Variants in CDK15 observed in about 807,000 individuals in gnomAD.
CDK15 encodes the protein cyclin dependent kinase 15.
CDK15 carries 62 observed loss-of-function variants against 60.3 expected under a neutral mutation model. The ratio of observed to expected loss-of-function variants is 1.03; its 90% CI spans 0.84 to 1.27. CDK15 has a LOEUF of 1.27. CDK15 is among the 50% of genes most tolerant of loss of function. The probability of loss-of-function intolerance (pLI) is 0.00; values close to 1 mark genes in which losing one functional copy is unlikely to be tolerated. For synonymous variants in CDK15, 194 were observed against 195.7 expected (o/e 0.99, Z 0.07); for missense variants, 541 against 527.8 (o/e 1.03, Z -0.25).
chr2:201,861,575 T>C (rs2105799817), intron 10 of CDK15: 1 of 955,210 alleles, frequency 1.0e-6, no homozygotes, highest in Middle Eastern at 5.4e-4. Flanking sequence ...CTTTTTTTTT[T>C]TTTTTAGATG....
At chr2:201,821,837 C>T (rs1408850536) in intron 4 of CDK15, among the ~76,000 whole-genome samples, 6 of 152,134 alleles carry the variant, frequency 3.9e-5, no homozygotes, top group East Asian at 1.9e-4. Context: ...GGCCCCACCA[C>T]GCCCGGCTAA....
rs1411872620 is a variant in CDK15 at position 201,868,229 on chromosome 2, AAAAG to A, written c.1010-4047_1010-4044del. Among the ~76,000 whole-genome samples, 3 of 152,322 alleles carry A rather than the reference AAAAG, an allele frequency of 2.0e-5. No homozygotes were observed. The East Asian group carries it at 5.8e-4, about 29-fold the overall frequency. On this transcript the variant is annotated intron_variant, in intron 10 of 13. Coordinates refer to ENST00000652192, the MANE Select transcript of CDK15 (RefSeq NM_001366386.2). ...GTCAGAAAGGGAGAGAAGCAGGAAA[AAAAG>A]AGACAGAGTGAAGAAATTTTTATAT...
At chr2:201,831,917 C>T (rs951870977) in intron 6 of CDK15, among the ~76,000 whole-genome samples, 6 of 152,150 alleles carry the variant, frequency 3.9e-5, no homozygotes, top group Non-Finnish European at 7.4e-5. Context: ...TACATTGAGC[C>T]CTGGTTTTCT....
At chr2:201,812,455 T>C in intron 3 of CDK15, 28 bp from the exon 4 acceptor site, 1 of 1,538,006 alleles carries the variant, frequency 6.5e-7, no homozygotes, top group Non-Finnish European at 9.0e-7. Context: ...CCTCAATAAG[T>C]GTGTGCCCCT....
chr2:201,824,878 G>A, intron 6 of CDK15: 2 of 567,128 alleles, frequency 3.5e-6, no homozygotes, highest in Non-Finnish European at 4.9e-6. Context: ...CCCCATACTT[G>A]ATGTAAGCAG....
At chr2:201,892,866 G>A (rs1032309781) in intron 13 of CDK15, among the ~76,000 whole-genome samples, 11 of 152,188 alleles carry the variant, frequency 7.2e-5, no homozygotes, top group African/African-American at 2.7e-4. Context: ...TTCGTAACTG[G>A]CAGCAATGCC....
rs1699751985 is a variant in CDK15 at position 201,895,537 on chromosome 2, G to A, written c.*2270G>A. ...TCAATTTTATCAAATAAACATTCCT[G>A]GAATTTGTGCATATTTTTTCATCCC... is the stretch of plus-strand genomic sequence containing the variant. On this transcript the variant is annotated 3_prime_UTR_variant, in exon 14 of 14. Transcript: ENST00000652192. The A allele has an allele frequency of 6.6e-6, 1 of 152,048 alleles. No homozygotes were observed. Among genetic ancestry groups the A allele is most frequent in the African/African-American group, 2.4e-5 (1 of 41,400 alleles). 9.4% of individuals were successfully genotyped at this position (152,048 alleles called of 1,614,324 possible). A position where few individuals can be genotyped will look rare whatever the true frequency, so the allele number is the denominator to read the frequency against.
chr2:201,887,243 C>T (rs574054462), intron 12 of CDK15, among the ~76,000 whole-genome samples: 2 of 152,142 alleles, frequency 1.3e-5, no homozygotes, highest in East Asian at 3.9e-4. Flanking sequence ...GTAACATGAG[C>T]TATAAGAAAC....
Position 201,823,929 on chromosome 2 carries a change from C to T in CDK15, c.606+202C>T, listed in dbSNP as rs566948889. Among the ~76,000 whole-genome samples the T allele has an allele frequency of 2.1e-4, 32 of 152,148 alleles. 1 individual carries two copies. The South Asian group carries it at 6.6e-3, about 32-fold the overall frequency. On this transcript the variant is annotated intron_variant, in intron 6 of 13. Transcript: ENST00000652192. Reference sequence around the variant, plus strand: ...AAAAAGAAAAAGAGTTGCTGAGTTGCTTCTTAAGATATGGAGCAATGTTTT... The same window carrying T: ...AAAAAGAAAAAGAGTTGCTGAGTTGTTTCTTAAGATATGGAGCAATGTTTT...
At chr2:201,820,266 T>C (rs1407028553) in intron 4 of CDK15, among the ~76,000 whole-genome samples, 1 of 152,128 alleles carries the variant, frequency 6.6e-6, no homozygotes, top group Non-Finnish European at 1.5e-5. Flanking sequence ...CATTCTCAAC[T>C]GATGGTCAGA....
chr2:201,886,266 GTTTATTTTCT>G (rs1208537769), intron 12 of CDK15, among the ~76,000 whole-genome samples: 2 of 151,520 alleles, frequency 1.3e-5, no homozygotes, highest in African/African-American at 4.9e-5. Flanking sequence ...TCTTACTTTA[GTTTATTTTCT>G]TTTCTTTTCT....
intron 10 of CDK15, among the ~76,000 whole-genome samples, chr2:201,866,574 C>G (rs1284762369): frequency 6.6e-6 from 1 of 152,104 alleles, no homozygotes; most frequent in African/African-American, 2.4e-5. Context: ...TTAGAGAGAA[C>G]TGCAGAGGGA....
At chr2:201,892,187 G>C (rs967107169) in intron 13 of CDK15, among the ~76,000 whole-genome samples, 2 of 152,152 alleles carry the variant, frequency 1.3e-5, no homozygotes, top group Admixed American at 6.5e-5. Context: ...ATTACAATTG[G>C]TGATATAATA....
chr2:201,867,119 TTAAG>T (rs1332485145), intron 10 of CDK15, among the ~76,000 whole-genome samples: 2 of 152,188 alleles, frequency 1.3e-5, no homozygotes, highest in East Asian at 1.9e-4. Flanking sequence ...AACAAACATA[TTAAG>T]TATGTGTCAG....
intron 10 of CDK15, among the ~76,000 whole-genome samples, chr2:201,855,416 G>A (rs542176696): frequency 6.6e-6 from 1 of 152,352 alleles, no homozygotes; most frequent in Non-Finnish European, 1.5e-5. Flanking sequence ...TTCATTGCCT[G>A]TAAACCTGAC....
chr2:201,807,247 A>G (rs1420422462), intron 1 of CDK15, among the ~76,000 whole-genome samples: 4 of 152,160 alleles, frequency 2.6e-5, no homozygotes, highest in African/African-American at 7.2e-5. Context: ...ACATCCATCA[A>G]AGAGATTTAG....
At chr2:201,811,908 C>T (rs1695784080) in intron 3 of CDK15, among the ~76,000 whole-genome samples, 1 of 152,078 alleles carries the variant, frequency 6.6e-6, no homozygotes, top group Non-Finnish European at 1.5e-5. Context: ...CTTGGTGGCT[C>T]GTGCCTGTAA....
chr2:201,858,354 T>G (rs1476909067), intron 10 of CDK15, among the ~76,000 whole-genome samples: 1 of 117,426 alleles, frequency 8.5e-6, no homozygotes, highest in Non-Finnish European at 1.7e-5. Context: ...CCTCCCTCCC[T>G]TCCTTCCTTC....
At chr2:201,877,800 A>G (rs1699134785) in intron 11 of CDK15, among the ~76,000 whole-genome samples, 2 of 152,174 alleles carry the variant, frequency 1.3e-5, no homozygotes, top group South Asian at 4.1e-4. Flanking sequence ...TTTCTTCTCT[A>G]TCTTGCCTAT....
Sources: allele counts gnomAD v4.1 joint callset (sites outside exome capture counted in the v4.1 genomes callset), GRCh38; gene constraint gnomAD v4.1.1; transcripts MANE v1.5; gene names NCBI Gene and HGNC (gene_info 2026-07-23, HGNC 2026-07-21).